The following CSPP1 variants were observed in gnomAD, a reference collection of about 807,000 sequenced individuals.
CSPP1 encodes centrosome and spindle pole-associated protein 1.
In CSPP1, 126 loss-of-function variants were observed where a neutral mutation model predicts 164.4. That is an observed-to-expected ratio of 0.77 (90% CI 0.66 to 0.89). The LOEUF (loss-of-function observed/expected upper bound fraction) is 0.89. CSPP1 is among the 40% of genes least tolerant of loss of function. The pLI, the probability that CSPP1 is intolerant of heterozygous loss-of-function variation, is 0.00. For missense variants in CSPP1, 1,395 were observed against 1,449.8 expected (o/e 0.96, Z 0.61); for synonymous variants, 472 against 476.7 (o/e 0.99, Z 0.13).
At chr8:67,155,966 C>A (rs1364980931) in intron 19 of CSPP1, among the ~76,000 whole-genome samples, 1 of 152,066 alleles carries the variant, frequency 6.6e-6, no homozygotes. Context: ...ATTGTGCACT[C>A]AAGTCAGGTA....
chr8:67,162,703 A>C (rs1248192707), intron 22 of CSPP1, among the ~76,000 whole-genome samples: 2 of 152,210 alleles, frequency 1.3e-5, no homozygotes, highest in Non-Finnish European at 1.5e-5. Context: ...ATGCTTTTGC[A>C]CAAGTCCAGA....
rs898475433 is a variant in CSPP1, at chr8:67,090,696, A to G, written c.304-1107A>G. On this transcript the variant is annotated intron_variant, in intron 4 of 30. Coordinates refer to ENST00000678616, the MANE Select transcript of CSPP1 (RefSeq NM_001382391.1). Reference sequence around the variant, plus strand: ...CGTTGTTTTGCGGTTATTTGCTTACATGTCTGTTTCTGCTACTGAATTGTA... The same window carrying G: ...CGTTGTTTTGCGGTTATTTGCTTACGTGTCTGTTTCTGCTACTGAATTGTA... Among the ~76,000 whole-genome samples the G allele has an allele frequency of 2.6e-5, 4 of 152,216 alleles. No homozygotes were observed. In the East Asian group the frequency reaches 7.7e-4, roughly 29 times the overall value.
chr8:67,116,080 G>T lies in CSPP1; in HGVS notation c.1454G>T (p.Arg485Leu), dbSNP rs767353646. ...GTTCCTTCTCAAAATGAAGATTTGC[G>T]CAGTGGACTCAGCAGCGCCCTTGGT... ...HPVPSQNEDL[R>L]SGLSSALGEM... The change falls in exon 13 of 31, where the codon CGC becomes CTC. Residue 485 changes from arginine to leucine, a missense_variant. Arg to Leu is a moderately radical substitution (Grantham distance 102). Coordinates refer to ENST00000678616, the MANE Select transcript of CSPP1 (RefSeq NM_001382391.1). 2 of 1,614,046 alleles carry T rather than the reference G, an allele frequency of 1.2e-6. No homozygotes were observed. Among genetic ancestry groups the T allele is most frequent in the African/African-American group, 1.3e-5 (1 of 75,000 alleles).
chr8:67,131,840 C>T (rs979887893), intron 15 of CSPP1, 111 bp from the exon 16 acceptor site: 25 of 951,466 alleles, frequency 2.6e-5, no homozygotes, highest in Non-Finnish European at 3.8e-5. Flanking sequence ...GAGAAATATC[C>T]TTCTGTATTT....
intron 27 of CSPP1, among the ~76,000 whole-genome samples, chr8:67,178,799 G>C: frequency 6.6e-6 from 1 of 152,210 alleles, no homozygotes; most frequent in Non-Finnish European, 1.5e-5. Flanking sequence ...GGGGCAGGGG[G>C]TGACGAGGGG....
Position 67,076,493 on chromosome 8 carries a change from A to G in CSPP1, c.111A>G (p.Ser37=), listed in dbSNP as rs773807264. The part of the protein sequence containing the change: ...PPYMEMKGKL[S]AKLSENSKIL... ...TATGTCTCTTTCAGGGAAAGTTGTCAGCGAAGCTTTCTGAAAACAGTAAGA... is the reference window on the plus strand; with the variant it reads ...TATGTCTCTTTCAGGGAAAGTTGTCGGCGAAGCTTTCTGAAAACAGTAAGA... The change falls in exon 3 of 31, where the codon TCA becomes TCG. Residue 37 remains serine, a synonymous_variant. Coordinates refer to ENST00000678616, the MANE Select transcript of CSPP1 (RefSeq NM_001382391.1). The G allele has an allele frequency of 6.3e-7, 1 of 1,582,068 alleles. No homozygotes were observed. Among genetic ancestry groups the G allele is most frequent in the South Asian group, 1.2e-5 (1 of 85,424 alleles).
intron 5 of CSPP1, among the ~76,000 whole-genome samples, chr8:67,092,852 A>G (rs950363143): frequency 1.3e-5 from 2 of 152,194 alleles, no homozygotes; most frequent in African/African-American, 4.8e-5. Flanking sequence ...AGAACATTTC[A>G]TTATAATATT....
chr8:67,180,856 C>T, intron 28 of CSPP1, among the ~76,000 whole-genome samples: 1 of 147,220 alleles, frequency 6.8e-6, no homozygotes, highest in East Asian at 2.0e-4. Flanking sequence ...ATGGGATCTT[C>T]TTTTTTTTTT....
chr8:67,170,048 C>T (rs2129565643), intron 24 of CSPP1, among the ~76,000 whole-genome samples: 1 of 152,184 alleles, frequency 6.6e-6, no homozygotes, highest in East Asian at 1.9e-4. Flanking sequence ...TGCCTATTAC[C>T]ATATTTCTAT....
chr8:67,099,994 A>G (rs1380414711), intron 7 of CSPP1, among the ~76,000 whole-genome samples: 2 of 151,620 alleles, frequency 1.3e-5, no homozygotes, highest in Admixed American at 6.6e-5. Flanking sequence ...TAAACAAATC[A>G]TATGTCATTT....
intron 30 of CSPP1, 39 bp downstream of exon 30, chr8:67,193,641 T>G (rs1415420698): frequency 1.3e-6 from 2 of 1,565,412 alleles, no homozygotes; most frequent in Non-Finnish European, 1.7e-6. Flanking sequence ...TAGAATCCTG[T>G]ATGAACTTTT....
chr8:67,161,438 T>C (rs1181474417), intron 21 of CSPP1, among the ~76,000 whole-genome samples: 1 of 152,216 alleles, frequency 6.6e-6, no homozygotes, highest in Admixed American at 6.5e-5. Flanking sequence ...TGTATTGCTT[T>C]CCAGAAGGAT....
chr8:67,087,744 G>C (rs1000748594), intron 4 of CSPP1, among the ~76,000 whole-genome samples: 1 of 152,200 alleles, frequency 6.6e-6, no homozygotes, highest in African/African-American at 2.4e-5. Context: ...GATCAAATTA[G>C]AAGGCAGTGG....
At chr8:67,138,175 TC>T (rs1822743092) in intron 17 of CSPP1, among the ~76,000 whole-genome samples, 1 of 152,204 alleles carries the variant, frequency 6.6e-6, no homozygotes, top group Non-Finnish European at 1.5e-5. Flanking sequence ...AACAAATACT[TC>T]GAAAGAGTGG....
chr8:67,195,700 TC>T lies in CSPP1; in HGVS notation c.*109del, dbSNP rs1006314875. On this transcript the variant is annotated 3_prime_UTR_variant, in exon 31 of 31. Transcript: ENST00000678616. The stretch of plus-strand genomic sequence containing the variant: ...GCCCCTACCTGAAAGTTACTTTTTT[TC>T]CATCATCTGTATATAAAATTATTTT... 2 of 796,536 alleles carry T rather than the reference TC, an allele frequency of 2.5e-6. No homozygotes were observed. The highest frequency in any genetic ancestry group is 3.5e-5 in the African/African-American group (2 of 57,148). 49.3% of individuals were successfully genotyped at this position (796,536 alleles called of 1,614,324 possible).
chr8:67,080,231 T>G (rs1479883268), intron 3 of CSPP1, among the ~76,000 whole-genome samples: 1 of 152,226 alleles, frequency 6.6e-6, no homozygotes, highest in African/African-American at 2.4e-5. Flanking sequence ...AATGAGGTAT[T>G]GACTTAAAGC....
intron 14 of CSPP1, 34 bp downstream of exon 14, chr8:67,118,403 G>T: frequency 6.2e-7 from 1 of 1,606,818 alleles, no homozygotes; most frequent in Non-Finnish European, 8.5e-7. Flanking sequence ...TTTTCTCCCC[G>T]CTTGGCTCAA....
chr8:67,188,568 G>C (rs1261511861), intron 28 of CSPP1, among the ~76,000 whole-genome samples: 1 of 152,168 alleles, frequency 6.6e-6, no homozygotes, highest in Non-Finnish European at 1.5e-5. Context: ...CATTGTATGG[G>C]AACTCTATTT....
chr8:67,107,594 A>G (rs745693338), intron 9 of CSPP1, among the ~76,000 whole-genome samples: 12 of 152,148 alleles, frequency 7.9e-5, no homozygotes, highest in Non-Finnish European at 1.8e-4. Context: ...TTTTCCCCCC[A>G]AAACTATGTT....
Sources: allele counts gnomAD v4.1 joint callset (sites outside exome capture counted in the v4.1 genomes callset), GRCh38; gene constraint gnomAD v4.1.1; transcripts MANE v1.5; gene names NCBI Gene and HGNC (gene_info 2026-07-23, HGNC 2026-07-21).